The following GRID2 variants were observed in gnomAD, a reference collection of about 807,000 sequenced individuals.
GRID2 encodes the protein glutamate receptor ionotropic, delta-2.
In GRID2, 33 loss-of-function variants were observed where a neutral mutation model predicts 114.8. That is an observed-to-expected ratio of 0.29 (90% CI 0.22 to 0.38). GRID2 has a LOEUF of 0.38. Among genes scored for constraint, GRID2 ranks in the 10% least tolerant of loss-of-function variants. The pLI, the probability that GRID2 is intolerant of heterozygous loss-of-function variation, is 1.00. For missense variants in GRID2, 1,184 were observed against 1,257.7 expected, an observed-to-expected ratio of 0.94 and a Z score of 0.89; for synonymous variants, 505 against 449.9, an observed-to-expected ratio of 1.12 and a Z score of -1.55.
At chr4:93,040,660 A>G (rs1372385888) in intron 2 of GRID2, among the ~76,000 whole-genome samples, 1 of 152,158 alleles carries the variant, frequency 6.6e-6, no homozygotes, top group African/African-American at 2.4e-5. Context: ...TGGGTATTTT[A>G]ACAATGAAAA....
intron 8 of GRID2, among the ~76,000 whole-genome samples, chr4:93,291,978 T>C (rs1753805912): frequency 6.6e-6 from 1 of 152,204 alleles, no homozygotes; most frequent in East Asian, 1.9e-4. Flanking sequence ...TGTTATTAAT[T>C]ATTATGTAAA....
At chr4:93,113,248 A>G (rs756190614) in intron 4 of GRID2, among the ~76,000 whole-genome samples, 1 of 152,156 alleles carries the variant, frequency 6.6e-6, no homozygotes, top group African/African-American at 2.4e-5. Flanking sequence ...AAATGAACTC[A>G]TATAATCTTC....
At chr4:93,255,456 G>A (rs557275427) in intron 8 of GRID2, among the ~76,000 whole-genome samples, 2 of 152,070 alleles carry the variant, frequency 1.3e-5, no homozygotes, top group South Asian at 4.1e-4. Context: ...TGTTTTTCAT[G>A]TGTTTGCTAT....
intron 2 of GRID2, among the ~76,000 whole-genome samples, chr4:92,808,843 A>G (rs973770700): frequency 1.3e-5 from 2 of 151,682 alleles, no homozygotes; most frequent in African/African-American, 4.8e-5. Context: ...AGAAACTTAT[A>G]TTCTCAGTTG....
At chr4:93,090,674 TCTTTA>T (rs951717225) in intron 3 of GRID2, among the ~76,000 whole-genome samples, 2 of 152,184 alleles carry the variant, frequency 1.3e-5, no homozygotes, top group African/African-American at 2.4e-5. Flanking sequence ...CTTCTGCTGA[TCTTTA>T]CTTAAACAGT....
chr4:93,202,482 A>G (rs1442714395), intron 4 of GRID2, among the ~76,000 whole-genome samples: 1 of 152,318 alleles, frequency 6.6e-6, no homozygotes, highest in East Asian at 1.9e-4. Flanking sequence ...GATATGCTAA[A>G]TAGATAAGGA....
chr4:93,037,812 C>T (rs752360793), intron 2 of GRID2, among the ~76,000 whole-genome samples: 8 of 152,134 alleles, frequency 5.3e-5, no homozygotes, highest in Non-Finnish European at 1.0e-4. Context: ...TGTTTTGGTA[C>T]CAGTACCGTG....
chr4:93,155,405 A>C (rs1257710542), intron 4 of GRID2, among the ~76,000 whole-genome samples: 2 of 151,938 alleles, frequency 1.3e-5, no homozygotes, highest in East Asian at 3.9e-4. Flanking sequence ...TTTTATACTA[A>C]GTTCTAAGGT....
chr4:93,168,152 A>T (rs1309464349), intron 4 of GRID2, among the ~76,000 whole-genome samples: 4 of 152,004 alleles, frequency 2.6e-5, no homozygotes, highest in African/African-American at 9.7e-5. Context: ...GCCGTGATTG[A>T]GATCGCAGCA....
At position 92,622,770 on chromosome 4, in the gene GRID2, C is replaced by A. The variant is rs553611463; in HGVS notation, c.244+32484C>A. Among the ~76,000 whole-genome samples the A allele has an allele frequency of 5.3e-5, 8 of 151,806 alleles. No individual in the cohort carries two copies. In the East Asian group the frequency reaches 1.6e-3, roughly 30 times the overall value. On this transcript the variant is annotated intron_variant, in intron 2 of 15. Coordinates refer to ENST00000282020, the MANE Select transcript of GRID2 (RefSeq NM_001510.4). ...ATTAGCTTCATTCCTGCCTCTGACT[C>A]TTAGGAAATTTATCTAAGTACATAT...
intron 15 of GRID2, among the ~76,000 whole-genome samples, 187 bp from the exon 16 acceptor site, chr4:93,771,889 T>C (rs1189625460): frequency 1.3e-5 from 2 of 152,204 alleles, no homozygotes; most frequent in African/African-American, 2.4e-5. Flanking sequence ...TAGATAATCT[T>C]ATCTCAGAAT....
chr4:92,307,763 C>T (rs924217028), intron 1 of GRID2, among the ~76,000 whole-genome samples: 2 of 152,040 alleles, frequency 1.3e-5, no homozygotes, highest in South Asian at 2.1e-4. Flanking sequence ...TAATACACAT[C>T]CACACACAGA....
chr4:93,451,101 T>G (rs945328572), intron 10 of GRID2, among the ~76,000 whole-genome samples: 1 of 152,086 alleles, frequency 6.6e-6, no homozygotes, highest in African/African-American at 2.4e-5. Flanking sequence ...TATTCATATA[T>G]TCATAGCAAG....
At chr4:92,996,008 G>T (rs536553287) in intron 2 of GRID2, among the ~76,000 whole-genome samples, 2 of 151,104 alleles carry the variant, frequency 1.3e-5, no homozygotes, top group East Asian at 2.0e-4. Context: ...CATTAATCTT[G>T]GCCAGGCACA....
chr4:92,449,690 T>TAG (rs1259005678), intron 1 of GRID2, among the ~76,000 whole-genome samples: 3 of 141,072 alleles, frequency 2.1e-5, no homozygotes, highest in African/African-American at 7.9e-5. Context: ...TATATATATA[T>TAG]ATATATATAT....
At chr4:92,602,621 G>A (rs183546209) in intron 2 of GRID2, among the ~76,000 whole-genome samples, 5 of 152,266 alleles carry the variant, frequency 3.3e-5, no homozygotes, top group Admixed American at 3.3e-4. Context: ...AAACCTGGAA[G>A]CATTCAACTT....
At chr4:93,079,480 A>G (rs766626012) in intron 2 of GRID2, among the ~76,000 whole-genome samples, 1 of 151,868 alleles carries the variant, frequency 6.6e-6, no homozygotes, top group African/African-American at 2.4e-5. Flanking sequence ...CTAATTTTTC[A>G]TATGGGCCTT....
At chr4:93,730,387 G>A (rs1358178985) in intron 14 of GRID2, among the ~76,000 whole-genome samples, 2 of 152,218 alleles carry the variant, frequency 1.3e-5, no homozygotes, top group African/African-American at 2.4e-5. Context: ...GTCATATGGT[G>A]TGAACTAGGT....
At chr4:93,373,511 C>T (rs1181431785) in intron 8 of GRID2, among the ~76,000 whole-genome samples, 1 of 152,048 alleles carries the variant, frequency 6.6e-6, no homozygotes, top group Non-Finnish European at 1.5e-5. Context: ...GATGTTATCA[C>T]CCATAGACAA....
Sources: allele counts gnomAD v4.1 joint callset (sites outside exome capture counted in the v4.1 genomes callset), GRCh38; gene constraint gnomAD v4.1.1; transcripts MANE v1.5; gene names NCBI Gene and HGNC (gene_info 2026-07-23, HGNC 2026-07-21).